The following MKLN1 variants were observed in gnomAD, a reference collection of about 807,000 sequenced individuals.
MKLN1 encodes the protein muskelin.
A neutral mutation model predicts 99.0 loss-of-function variants in MKLN1; 18 were observed. The observed-to-expected ratio is 0.18, with a 90% CI of 0.13 to 0.27. The LOEUF (loss-of-function observed/expected upper bound fraction) is 0.27. Among genes scored for constraint, MKLN1 ranks in the 10% least tolerant of loss-of-function variants. MKLN1 has a pLI of 1.00. For missense variants in MKLN1, 621 were observed against 875.9 expected (o/e 0.71, Z 3.67); for synonymous variants, 288 against 293.2 (o/e 0.98, Z 0.18).
At chr7:131,430,541 T>C (rs1795493615) in intron 9 of MKLN1, among the ~76,000 whole-genome samples, 1 of 152,182 alleles carries the variant, frequency 6.6e-6, no homozygotes. Context: ...GTGTTAAGCC[T>C]AGGTTTCATC....
chr7:131,356,165 TCTTGA>T (rs1341749816), intron 1 of MKLN1, among the ~76,000 whole-genome samples: 1 of 150,752 alleles, frequency 6.6e-6, no homozygotes, highest in Non-Finnish European at 1.5e-5. Context: ...CAGCTTGACC[TCTTGA>T]CTTGGGATTT....
intron 2 of MKLN1, among the ~76,000 whole-genome samples, chr7:131,160,423 G>A (rs570583822): frequency 6.7e-6 from 1 of 150,188 alleles, no homozygotes; most frequent in Non-Finnish European, 1.5e-5. Flanking sequence ...AATTTTCTTG[G>A]GTACATACCT....
rs200128438 is a variant in MKLN1 at position 131,429,029 on chromosome 7, A to T, written c.848-4A>T. On this transcript the variant is annotated splice_polypyrimidine_tract_variant and splice_region_variant and intron_variant, in intron 8 of 17. Coordinates refer to ENST00000352689, the MANE Select transcript of MKLN1 (RefSeq NM_013255.5). ...TTTTACACATATTTTTCTGATTTTC[A>T]TAGAGACTGTTTATTTGTTTGGTGG... 1 of 1,610,914 alleles carries T rather than the reference A, an allele frequency of 6.2e-7. No homozygotes were observed. The highest frequency in any genetic ancestry group is 1.1e-5 in the South Asian group (1 of 90,838).
intron 2 of MKLN1, among the ~76,000 whole-genome samples, chr7:131,175,840 C>T (rs1417017750): frequency 6.6e-6 from 1 of 152,054 alleles, no homozygotes; most frequent in South Asian, 2.1e-4. Context: ...GTGGAGGTTG[C>T]GGTGAGCCAA....
At chr7:131,181,345 G>T (rs1796374610) in intron 2 of MKLN1, among the ~76,000 whole-genome samples, 1 of 152,142 alleles carries the variant, frequency 6.6e-6, no homozygotes, top group Non-Finnish European at 1.5e-5. Flanking sequence ...CATGTTATCA[G>T]GTTTAAACAT....
intron 3 of MKLN1, among the ~76,000 whole-genome samples, chr7:131,205,098 A>C (rs188983): frequency 1.6e-5 from 1 of 63,196 alleles, no homozygotes; most frequent in Non-Finnish European, 2.9e-5. Flanking sequence ...ACTCCGTCTC[A>C]AAAAAAAAAA....
intron 2 of MKLN1, among the ~76,000 whole-genome samples, chr7:131,163,561 G>A (rs912261318): frequency 2.0e-5 from 3 of 152,024 alleles, no homozygotes; most frequent in Admixed American, 6.6e-5. Context: ...CATTTCATTC[G>A]AATTTGTGAA....
intron 3 of MKLN1, among the ~76,000 whole-genome samples, chr7:131,204,501 T>C (rs1796776475): frequency 6.6e-6 from 1 of 152,268 alleles, no homozygotes; most frequent in Non-Finnish European, 1.5e-5. Context: ...CAATAGAACA[T>C]CAACAAAATG....
chr7:131,181,491 T>C (rs963704077), intron 2 of MKLN1, among the ~76,000 whole-genome samples: 2 of 152,048 alleles, frequency 1.3e-5, no homozygotes, highest in Non-Finnish European at 1.5e-5. Flanking sequence ...GAGGATCAAG[T>C]GAAGCCAGGT....
intron 9 of MKLN1, 24 bp from the exon 10 acceptor site, chr7:131,437,761 T>C: frequency 1.3e-6 from 2 of 1,526,886 alleles, no homozygotes; most frequent in South Asian, 2.3e-5. Context: ...TGTTTATTTA[T>C]TTATTTTCTC....
intron 11 of MKLN1, among the ~76,000 whole-genome samples, 159 bp from the exon 12 acceptor site, chr7:131,445,615 T>C: frequency 6.6e-6 from 1 of 152,286 alleles, no homozygotes; most frequent in East Asian, 1.9e-4. Context: ...TTTAGCAATA[T>C]GTAGAGAGCT....
chr7:131,204,295 TA>T (rs1442457323), intron 3 of MKLN1, among the ~76,000 whole-genome samples: 1 of 152,224 alleles, frequency 6.6e-6, no homozygotes, highest in African/African-American at 2.4e-5. Context: ...GGTTTTCTTT[TA>T]TTTTAGTGAT....
chr7:131,315,170 C>T (rs995936066), intron 3 of MKLN1, among the ~76,000 whole-genome samples: 18 of 152,072 alleles, frequency 1.2e-4, no homozygotes, highest in Non-Finnish European at 1.6e-4. Flanking sequence ...CAGCTCCCAG[C>T]GAGACCAATG....
At chr7:131,464,094 T>TTAC (rs1796592705) in intron 13 of MKLN1, among the ~76,000 whole-genome samples, 200 bp from the exon 14 acceptor site, 1 of 152,222 alleles carries the variant, frequency 6.6e-6, no homozygotes, top group Admixed American at 6.5e-5. Flanking sequence ...TGTGAGCTAT[T>TTAC]TACTGGACAT....
chr7:131,448,064 TA>T (rs927701877), intron 12 of MKLN1, among the ~76,000 whole-genome samples: 1 of 152,046 alleles, frequency 6.6e-6, no homozygotes, highest in African/African-American at 2.4e-5. Flanking sequence ...CCATCTATAC[TA>T]AAAATACAAA....
At chr7:131,284,329 T>G (rs1392197721) in intron 3 of MKLN1, among the ~76,000 whole-genome samples, 3 of 152,216 alleles carry the variant, frequency 2.0e-5, no homozygotes. Flanking sequence ...TAAGCCCTAT[T>G]TTCATAGATT....
intron 3 of MKLN1, among the ~76,000 whole-genome samples, chr7:131,275,034 C>G (rs998224722): frequency 6.6e-6 from 1 of 152,050 alleles, no homozygotes; most frequent in African/African-American, 2.4e-5. Flanking sequence ...AGATGGAGAC[C>G]GAAATATCAC....
intron 16 of MKLN1, among the ~76,000 whole-genome samples, chr7:131,475,147 A>G (rs1250275804): frequency 6.6e-6 from 1 of 152,228 alleles, no homozygotes; most frequent in Non-Finnish European, 1.5e-5. Flanking sequence ...AAGTGAAAAC[A>G]TAAATTATCC....
chr7:131,180,877 C>CA (rs1317997047), intron 2 of MKLN1, among the ~76,000 whole-genome samples: 4 of 151,974 alleles, frequency 2.6e-5, no homozygotes, highest in South Asian at 2.1e-4. Flanking sequence ...TTGTACTCTA[C>CA]AAAAATATTT....
Sources: gnomAD v4.1 joint callset for allele counts (sites outside exome capture counted in the v4.1 genomes callset) on GRCh38, gnomAD v4.1.1 for gene constraint, MANE v1.5 for transcripts, NCBI Gene and HGNC (gene_info 2026-07-23, HGNC 2026-07-21) for gene names.